Variants in LAMP3 observed in about 807,000 individuals in gnomAD.
LAMP3 encodes lysosome associated membrane protein 3, also known as lysosome-associated membrane glycoprotein 3.
In LAMP3, 26 loss-of-function variants were observed where a neutral mutation model predicts 34.8. The observed-to-expected ratio is 0.75, with a 90% CI of 0.55 to 1.04. LAMP3 has a LOEUF of 1.04. Ranked by LOEUF, LAMP3 falls within the 50% of genes least tolerant of loss-of-function variation. LAMP3 has a pLI of 0.00. For missense variants in LAMP3, 495 were observed against 524.0 expected (o/e 0.94, Z 0.54); for synonymous variants, 180 against 201.9 (o/e 0.89, Z 0.92).
rs773362620 is a variant in LAMP3 at position 183,162,690 on chromosome 3, G to T, written c.-35C>A. On this transcript the variant is annotated 5_prime_UTR_variant, in exon 1 of 6. Coordinates refer to ENST00000265598, the MANE Select transcript of LAMP3 (RefSeq NM_014398.4). ...TGGGCGAGGTTCTGCAGCGTGCGGC[G>T]AAGTCCGGGCAGGCCCCGAATCGGT... The T allele has an allele frequency of 3.2e-5, 48 of 1,500,054 alleles. No homozygotes were observed. In the South Asian group the frequency reaches 5.5e-4, roughly 17 times the overall value. The allele number at this position is 1,500,054 out of a possible 1,614,324, so 92.9% of individuals were successfully genotyped here.
In LAMP3 at chr3:183,153,174, CAA is replaced by C. The variant is rs750659929; in HGVS notation, c.759+506_759+507del. 7.2e-3 allele frequency among the ~76,000 whole-genome samples: 337 copies of C among 46,690 alleles called. 1 individual carries two copies. The highest frequency in any genetic ancestry group is 0.025 in the African/African-American group (314 of 12,718). 30.6% of individuals were successfully genotyped at this position (46,690 alleles called of 152,430 possible). A position where few individuals can be genotyped will look rare whatever the true frequency, so the allele number is the denominator to read the frequency against. On this transcript the variant is annotated intron_variant, in intron 2 of 5. Coordinates refer to ENST00000265598, the MANE Select transcript of LAMP3 (RefSeq NM_014398.4). ...TGAGCAACAGAGCGAGACTCCGTCT[CAA>C]AAAAAAAAAAAAAAAAGAAAGAAAA... is the stretch of plus-strand genomic sequence containing the variant.
chr3:183,154,013 T>C lies in LAMP3; in HGVS notation c.428A>G (p.His143Arg). ...GGTTGATGAACTGGTTCCAGTTGTA[T>C]GAGCTGGTGGGGTGATGGTGGGTGG... ...SLPPTITPPA[H>R]TTGTSSSTVS... Residue 143 changes from histidine (H) to arginine (R), a missense_variant, in exon 2 of 6, where the codon CAT becomes CGT. His to Arg is a conservative substitution (Grantham distance 29). Transcript: ENST00000265598. 1.2e-6 allele frequency: 2 copies of C among 1,614,146 alleles called. No homozygotes were observed.
At chr3:183,156,848 G>C (rs917497087) in intron 1 of LAMP3, among the ~76,000 whole-genome samples, 1 of 152,162 alleles carries the variant, frequency 6.6e-6, no homozygotes, top group African/African-American at 2.4e-5. Context: ...GCGGAGACTT[G>C]AGCACCGGTA....
chr3:183,130,818 C>G (rs605719), intron 5 of LAMP3, among the ~76,000 whole-genome samples: 131,018 of 152,096 alleles, frequency 0.86, 56,896 homozygotes, highest in Non-Finnish European at 0.93. Flanking sequence ...GGTTGGAAAA[C>G]GAAGAAAATA....
At chr3:183,132,865 T>C (rs1719968971) in intron 5 of LAMP3, 1 of 985,446 alleles carries the variant, frequency 1.0e-6, no homozygotes, top group African/African-American at 1.7e-5. Context: ...CCACCAGACA[T>C]GCGGTTAGCA....
At chr3:183,127,191 G>A (rs978160721) in intron 5 of LAMP3, among the ~76,000 whole-genome samples, 5 of 152,116 alleles carry the variant, frequency 3.3e-5, no homozygotes, top group Admixed American at 1.3e-4. Context: ...CTGGGGGGCA[G>A]TGGTGCGATC....
Position 183,153,768 on chromosome 3 carries a change from T to C in LAMP3, c.673A>G (p.Thr225Ala). 6.4e-7 allele frequency: 1 copy of C among 1,568,080 alleles called. No individual in the cohort carries two copies. Among genetic ancestry groups the C allele is most frequent in the South Asian group, 1.2e-5 (1 of 81,576 alleles). The change falls in exon 2 of 6, where the codon ACT becomes GCT. Residue 225 changes from threonine to alanine, a missense_variant. Transcript: ENST00000265598. ...CCGTTTAGAACCTGATAAATTCCAG[T>C]CTTGACTGACGATGGCTGAGGTGCA... is the stretch of plus-strand genomic sequence containing the variant. Reference protein sequence around the residue: ...TLAPQPSSVKTGIYQVLNGSR... With the variant: ...TLAPQPSSVKAGIYQVLNGSR...
At chr3:183,163,266 CTTTTATTTCTTTTCT>C (rs1721035352), upstream of LAMP3, among the ~76,000 whole-genome samples, 1 of 129,490 alleles carries the variant, frequency 7.7e-6, no homozygotes, top group South Asian at 2.4e-4. Context: ...AGGGTCTCCT[CTTTTATTTCTTTTCT>C]TTTTATTTCT....
rs1177923231 is a variant in LAMP3, at chr3:183,123,165, G to A, written c.*916C>T. 6.6e-6 allele frequency: 1 copy of A among 152,180 alleles called. No individual in the cohort carries two copies. Among genetic ancestry groups the A allele is most frequent in the Non-Finnish European group, 1.5e-5 (1 of 68,036 alleles). 9.4% of individuals were successfully genotyped at this position (152,180 alleles called of 1,614,324 possible). Reference sequence around the variant, plus strand: ...TTAGTCTAGCGATTCTGGAGCAGGAGTCATCAAGATAAAAAATATAAGCTG... The same window carrying A: ...TTAGTCTAGCGATTCTGGAGCAGGAATCATCAAGATAAAAAATATAAGCTG... On this transcript the variant is annotated 3_prime_UTR_variant, in exon 6 of 6. Coordinates refer to ENST00000265598, the MANE Select transcript of LAMP3 (RefSeq NM_014398.4).
At chr3:183,124,266 C>T (rs1719732868) in intron 5 of LAMP3, 52 bp from the exon 6 acceptor site, 5 of 1,459,020 alleles carry the variant, frequency 3.4e-6, no homozygotes, top group Non-Finnish European at 4.5e-6. Context: ...TGATGCAGTC[C>T]AGAAAGCAGG....
chr3:183,143,279 A>T (rs535322605), intron 3 of LAMP3, among the ~76,000 whole-genome samples: 19 of 149,004 alleles, frequency 1.3e-4, no homozygotes, highest in African/African-American at 2.3e-4. Flanking sequence ...CAGCTAATTT[A>T]AAAAAAATTT....
At chr3:183,144,407 G>A (rs1010833567) in intron 3 of LAMP3, among the ~76,000 whole-genome samples, 2 of 152,164 alleles carry the variant, frequency 1.3e-5, no homozygotes, top group African/African-American at 2.4e-5. Context: ...AGAGTTTCAG[G>A]GAACTAAGAG....
Position 183,123,914 on chromosome 3 carries a change from A to G in LAMP3, c.*167T>C, listed in dbSNP as rs1012647420. On this transcript the variant is annotated 3_prime_UTR_variant, in exon 6 of 6. Coordinates refer to ENST00000265598, the MANE Select transcript of LAMP3 (RefSeq NM_014398.4). Reference sequence around the variant, plus strand: ...ATAAACAAAAAGTATTTAGAAATTGATGTGCTGCCTGAACTTAAATCACAC... The same window carrying G: ...ATAAACAAAAAGTATTTAGAAATTGGTGTGCTGCCTGAACTTAAATCACAC... 14 of 629,872 alleles carry G rather than the reference A, an allele frequency of 2.2e-5. No individual in the cohort carries two copies. Among genetic ancestry groups the G allele is most frequent in the Admixed American group, 1.6e-4 (5 of 30,530 alleles). 39.0% of individuals were successfully genotyped at this position (629,872 alleles called of 1,614,324 possible).
chr3:183,135,572 T>TG, intron 5 of LAMP3, 145 bp downstream of exon 5: 2 of 786,068 alleles, frequency 2.5e-6, no homozygotes, highest in Non-Finnish European at 4.2e-6. Context: ...CAGAGGAGCC[T>TG]GGCCCTGTGA....
rs373983163 is a variant in LAMP3, at chr3:183,127,287, C to T, written c.1118-3073G>A. Among the ~76,000 whole-genome samples the T allele has an allele frequency of 1.2e-4, 19 of 152,252 alleles. No homozygotes were observed. In the East Asian group the frequency reaches 2.5e-3, roughly 20 times the overall value. ...TAGCTAGTAGTACAGGCAAATGCCA[C>T]CCCACTCAGCTACTTTTTAACTTTT... is the stretch of plus-strand genomic sequence containing the variant. On this transcript the variant is annotated intron_variant, in intron 5 of 5. Transcript: ENST00000265598.
chr3:183,152,899 G>A (rs1310587637), intron 2 of LAMP3, among the ~76,000 whole-genome samples: 5 of 152,108 alleles, frequency 3.3e-5, no homozygotes, highest in African/African-American at 7.2e-5. Context: ...ATTATTGGCC[G>A]GGCATGGTGG....
intron 5 of LAMP3, among the ~76,000 whole-genome samples, chr3:183,124,462 A>G (rs1719736828): frequency 6.6e-6 from 1 of 152,252 alleles, no homozygotes; most frequent in African/African-American, 2.4e-5. Flanking sequence ...TTAACATTCA[A>G]TAATCATAAT....
intron 5 of LAMP3, among the ~76,000 whole-genome samples, 175 bp downstream of exon 5, chr3:183,135,542 G>A (rs1036326610): frequency 6.6e-6 from 1 of 152,170 alleles, no homozygotes; most frequent in African/African-American, 2.4e-5. Flanking sequence ...GTGGGTGCAG[G>A]TGCCTGATTC....
At chr3:183,158,087 C>G (rs1489363067) in intron 1 of LAMP3, 1 of 152,164 alleles carries the variant, frequency 6.6e-6, no homozygotes, top group Non-Finnish European at 1.5e-5. Context: ...ATAGTTCTCA[C>G]CCCTTCTCCT....
Sources: allele counts gnomAD v4.1 joint callset (sites outside exome capture counted in the v4.1 genomes callset), GRCh38; gene constraint gnomAD v4.1.1; transcripts MANE v1.5; gene names NCBI Gene and HGNC (gene_info 2026-07-23, HGNC 2026-07-21).